The following USP35 variants were observed in gnomAD, a reference collection of about 807,000 sequenced individuals.
The protein encoded by USP35 is ubiquitin carboxyl-terminal hydrolase 35.
In USP35, 69 loss-of-function variants were observed where a neutral mutation model predicts 83.8. That is an observed-to-expected ratio of 0.82 (90% CI 0.68 to 1.01). The LOEUF is 1.01. USP35 is among the 50% of genes least tolerant of loss of function. The probability of loss-of-function intolerance (pLI) is 0.00; values close to 1 mark genes in which losing one functional copy is unlikely to be tolerated. For missense variants in USP35, 1,503 were observed against 1,362.5 expected (o/e 1.10, Z -1.62); for synonymous variants, 714 against 589.5 (o/e 1.21, Z -3.06).
chr11:78,228,234 A>G, the USP35 span, among the ~76,000 whole-genome samples: 6 of 152,202 alleles, frequency 3.9e-5, no homozygotes, highest in Admixed American at 6.5e-5. Flanking sequence ...GTTCTCTGTA[A>G]GTGCTTTGGG....
At chr11:78,209,017 A>C (rs1365329037) in intron 9 of USP35, 54 bp downstream of exon 9, 1 of 1,559,766 alleles carries the variant, frequency 6.4e-7, no homozygotes, top group Non-Finnish European at 8.8e-7. Context: ...CCTTGGGGGC[A>C]AGCCCAGTAC....
chr11:78,224,071 G>C, the USP35 span, among the ~76,000 whole-genome samples: 2 of 152,088 alleles, frequency 1.3e-5, no homozygotes, highest in South Asian at 2.1e-4. Flanking sequence ...GACAGAGTGA[G>C]ACTCTGTTTC....
the USP35 span, chr11:78,225,107 C>A: frequency 6.2e-7 from 1 of 1,605,244 alleles, no homozygotes; most frequent in African/African-American, 1.3e-5. Flanking sequence ...CCCACACTCA[C>A]CAGGAAAGAG....
chr11:78,209,743 A>T lies in USP35; in HGVS notation c.1888A>T (p.Thr630Ser). Reference sequence around the variant, plus strand: ...CACAGCCCGGGAGTTGCCCCCACCAACCAGTGCACAGGGGCCAGGCAGGGT... The same window carrying T: ...CACAGCCCGGGAGTTGCCCCCACCATCCAGTGCACAGGGGCCAGGCAGGGT... ...DITARELPPP[T>S]SAQGPGRVGP... The change falls in exon 10 of 11, where the codon ACC (threonine) becomes TCC (serine). Residue 630 changes from threonine (T) to serine (S), a missense_variant. Physicochemically the swap from Thr to Ser is moderately conservative, Grantham distance 58. Transcript: ENST00000529308. 1 of 1,613,616 alleles carries T rather than the reference A, an allele frequency of 6.2e-7. No homozygotes were observed. The highest frequency in any genetic ancestry group is 8.5e-7 in the Non-Finnish European group (1 of 1,179,894).
chr11:78,195,982 C>A (rs184744988), intron 1 of USP35, among the ~76,000 whole-genome samples: 239 of 152,304 alleles, frequency 1.6e-3, no homozygotes, highest in Non-Finnish European at 2.5e-3. Context: ...GCTGCCTGGG[C>A]CTCCCAAAGT....
the USP35 span, among the ~76,000 whole-genome samples, chr11:78,234,435 T>C: frequency 6.6e-6 from 1 of 152,094 alleles, no homozygotes; most frequent in Non-Finnish European, 1.5e-5. Flanking sequence ...ACATTTTAAT[T>C]TTTGGGTGAG....
downstream of USP35, chr11:78,216,536 C>T (rs1864155250): frequency 6.6e-6 from 1 of 152,224 alleles, no homozygotes; most frequent in Non-Finnish European, 1.5e-5. Context: ...ATCCTTCCAT[C>T]TCTACCCCTA....
downstream of USP35, chr11:78,218,069 A>C (rs1864238626): frequency 1.3e-5 from 2 of 152,912 alleles, no homozygotes; most frequent in African/African-American, 4.8e-5. Flanking sequence ...GGCACCCCCC[A>C]ACTCCCAGGC....
At chr11:78,215,508 G>GT (rs1864078039), downstream of USP35, 1 of 152,630 alleles carries the variant, frequency 6.6e-6, no homozygotes, top group African/African-American at 2.4e-5. Flanking sequence ...CACCAACAGT[G>GT]ATTTGAAAAT....
chr11:78,226,792 T>C, the USP35 span: 2 of 1,614,088 alleles, frequency 1.2e-6, no homozygotes, highest in Non-Finnish European at 1.7e-6. Context: ...GTCTTGAAGG[T>C]GTACACATCC....
At chr11:78,223,712 A>G in the USP35 span, 3 of 1,525,532 alleles carry the variant, frequency 2.0e-6, no homozygotes, top group Admixed American at 4.0e-5. Flanking sequence ...TACAGCTGTT[A>G]CTAGCAAGAA....
At chr11:78,206,350 T>G (rs749744769) in intron 7 of USP35, among the ~76,000 whole-genome samples, 42 of 152,342 alleles carry the variant, frequency 2.8e-4, no homozygotes, top group Non-Finnish European at 5.3e-4. Flanking sequence ...AGAGTAGAAC[T>G]GCCACCCATC....
chr11:78,208,817 C>CT (rs778114043), intron 8 of USP35, 40 bp from the exon 9 acceptor site: 1 of 1,609,178 alleles, frequency 6.2e-7, no homozygotes, highest in Non-Finnish European at 8.5e-7. Flanking sequence ...GGTGAGTGGC[C>CT]TCCTGCTCCT....
the USP35 span, among the ~76,000 whole-genome samples, chr11:78,236,647 T>C: frequency 6.6e-6 from 1 of 152,244 alleles, no homozygotes; most frequent in Non-Finnish European, 1.5e-5. Flanking sequence ...CCTCAATTCA[T>C]AGTTTGCTAA....
At chr11:78,221,243 A>G in the USP35 span, among the ~76,000 whole-genome samples, 155 of 152,346 alleles carry the variant, frequency 1.0e-3, 2 homozygotes, top group Non-Finnish European at 2.4e-4. Context: ...TACGCCCTTA[A>G]TGGAAATCTC....
the USP35 span, chr11:78,227,072 A>G: frequency 1.3e-6 from 2 of 1,491,556 alleles, no homozygotes; most frequent in Non-Finnish European, 1.9e-6. Flanking sequence ...AAGAAGGGAA[A>G]GGGCAGGAGG....
At chr11:78,195,895 T>C (rs952375583) in intron 1 of USP35, among the ~76,000 whole-genome samples, 3 of 151,846 alleles carry the variant, frequency 2.0e-5, no homozygotes, top group Non-Finnish European at 4.4e-5. Flanking sequence ...CACTCCTGGG[T>C]AATGTTTGTG....
chr11:78,223,327 G>A, the USP35 span: 1 of 1,180,486 alleles, frequency 8.5e-7, no homozygotes, highest in African/African-American at 1.6e-5. Flanking sequence ...CACCTCTCAA[G>A]TCCAGGATCC....
rs1434669090 is a variant in USP35 at position 78,200,207 on chromosome 11, C to T, written c.1011C>T (p.Phe337=). The change falls in exon 5 of 11, where the codon TTC becomes TTT. Residue 337 remains phenylalanine, a synonymous_variant. Transcript: ENST00000529308. The part of the protein sequence containing the change: ...LSVLKYMLLT[F]QHSHEAFHLL... ...TGCTCAAGTACATGCTCCTGACCTTCCAGCACTCCCACGAAGCCTTCCACC... is the reference window on the plus strand; with the variant it reads ...TGCTCAAGTACATGCTCCTGACCTTTCAGCACTCCCACGAAGCCTTCCACC... 6.2e-7 allele frequency: 1 copy of T among 1,614,192 alleles called. No individual in the cohort carries two copies. The highest frequency in any genetic ancestry group is 1.7e-5 in the Admixed American group (1 of 60,020).
Sources: allele counts gnomAD v4.1 joint callset (sites outside exome capture counted in the v4.1 genomes callset), GRCh38; gene constraint gnomAD v4.1.1; transcripts MANE v1.5; gene names NCBI Gene and HGNC (gene_info 2026-07-23, HGNC 2026-07-21).